IL1RAPL1: variants seen among roughly 807,000 people sequenced by gnomAD.
IL1RAPL1 encodes the protein interleukin 1 receptor accessory protein like 1.
In IL1RAPL1, 3 loss-of-function variants were observed where a neutral mutation model predicts 48.4. The ratio of observed to expected loss-of-function variants is 0.06; its 90% CI spans 0.03 to 0.16. The LOEUF (loss-of-function observed/expected upper bound fraction) is 0.16. IL1RAPL1 is among the 10% of genes least tolerant of loss of function. IL1RAPL1 has a pLI of 1.00. For synonymous variants in IL1RAPL1, 185 were observed against 187.7 expected, an observed-to-expected ratio of 0.99 and a Z score of 0.12; for missense variants, 349 against 530.6, an observed-to-expected ratio of 0.66 and a Z score of 3.36.
intron 2 of IL1RAPL1, among the ~76,000 whole-genome samples, chrX:29,242,335 C>T (rs961464249): frequency 8.9e-6 from 1 of 112,139 alleles, no homozygotes; most frequent in Non-Finnish European, 1.9e-5. Flanking sequence ...ACAGGAGGGG[C>T]GCCCATGCCC....
In IL1RAPL1 at chrX:29,376,473, G is replaced by C. The variant is rs183300998; in HGVS notation, c.363-19785G>C. ...GCAGCCTCAATCTCCCCAGGCTCAGGTGATCCTCACTAGCCACCCAGATAG... is the reference window on the plus strand; with the variant it reads ...GCAGCCTCAATCTCCCCAGGCTCAGCTGATCCTCACTAGCCACCCAGATAG... On this transcript the variant is annotated intron_variant, in intron 3 of 10. Transcript: ENST00000378993. Among the ~76,000 whole-genome samples, 399 of 109,749 alleles carry C rather than the reference G, an allele frequency of 3.6e-3. 2 individuals carry two copies. Among genetic ancestry groups the C allele is most frequent in the Non-Finnish European group, 5.9e-3 (311 of 52,564 alleles).
intron 2 of IL1RAPL1, among the ~76,000 whole-genome samples, chrX:29,158,931 TCCCCCC>T (rs1176557881): frequency 1.8e-5 from 1 of 55,676 alleles, no homozygotes; most frequent in Non-Finnish European, 3.4e-5. Context: ...TCTCTCTCTC[TCCCCCC>T]CCCTCCCTCC....
intron 1 of IL1RAPL1, among the ~76,000 whole-genome samples, chrX:28,779,636 A>ATG (rs1386041800): frequency 0.13 from 4,798 of 37,385 alleles, 283 homozygotes; most frequent in East Asian, 0.18. Context: ...GTGTGTGTGT[A>ATG]TATATATATA....
intron 9 of IL1RAPL1, among the ~76,000 whole-genome samples, chrX:29,947,752 GT>G (rs367605832): frequency 0.022 from 1,164 of 54,080 alleles, 6 homozygotes; most frequent in Non-Finnish European, 0.027. Flanking sequence ...TTTTTTTGGT[GT>G]TTTTTTTTTT....
chrX:28,747,456 C>T (rs915730345), intron 1 of IL1RAPL1, among the ~76,000 whole-genome samples: 1 of 110,664 alleles, frequency 9.0e-6, no homozygotes, highest in African/African-American at 3.3e-5. Flanking sequence ...TACTGGCCAA[C>T]ATGGTAAAAT....
intron 5 of IL1RAPL1, among the ~76,000 whole-genome samples, chrX:29,547,523 T>C (rs1921663110): frequency 9.0e-6 from 1 of 111,729 alleles, no homozygotes; most frequent in East Asian, 2.8e-4. Context: ...TGGAAAAGCT[T>C]AGTTCTACAC....
intron 2 of IL1RAPL1, among the ~76,000 whole-genome samples, chrX:28,989,459 A>T (rs1925549651): frequency 8.9e-6 from 1 of 112,792 alleles, no homozygotes; most frequent in African/African-American, 3.2e-5. Flanking sequence ...GCTGAAGAAT[A>T]TCATACTTTC....
chrX:29,201,146 A>G (rs1217214524), intron 2 of IL1RAPL1, among the ~76,000 whole-genome samples: 8 of 111,567 alleles, frequency 7.2e-5, no homozygotes, highest in South Asian at 3.7e-4. Context: ...ACATTTTCCA[A>G]TGCCTAGAGT....
At chrX:28,859,631 G>T (rs1342110306) in intron 2 of IL1RAPL1, among the ~76,000 whole-genome samples, 3 of 109,511 alleles carry the variant, frequency 2.7e-5, no homozygotes, top group Non-Finnish European at 3.8e-5. Flanking sequence ...TACTTAAGAC[G>T]TTGTAATATA....
intron 2 of IL1RAPL1, among the ~76,000 whole-genome samples, chrX:28,825,792 T>G (rs959398690): frequency 3.6e-5 from 4 of 111,612 alleles, no homozygotes; most frequent in Admixed American, 1.9e-4. Context: ...GTATGCTATT[T>G]TTTTGAATAT....
At chrX:29,596,559 T>C (rs1050091683) in intron 5 of IL1RAPL1, among the ~76,000 whole-genome samples, 1 of 112,007 alleles carries the variant, frequency 8.9e-6, no homozygotes, top group Admixed American at 9.5e-5. Context: ...ATAGCAGAGC[T>C]ACTGATTTGT....
intron 5 of IL1RAPL1, among the ~76,000 whole-genome samples, chrX:29,609,032 G>A (rs1190204177): frequency 9.0e-6 from 1 of 111,438 alleles, no homozygotes; most frequent in Non-Finnish European, 1.9e-5. Flanking sequence ...CAAGTCCAAA[G>A]TATTATTGCT....
intron 2 of IL1RAPL1, among the ~76,000 whole-genome samples, chrX:29,150,612 T>G (rs369772853): frequency 6.4e-5 from 7 of 110,108 alleles, no homozygotes; most frequent in African/African-American, 2.3e-4. Flanking sequence ...GATGGGTGTT[T>G]CCATCTTGAT....
intron 6 of IL1RAPL1, among the ~76,000 whole-genome samples, chrX:29,685,134 G>A (rs769838275): frequency 8.9e-6 from 1 of 112,456 alleles, no homozygotes; most frequent in South Asian, 3.7e-4. Flanking sequence ...TCTTAACTGA[G>A]AAGTTAAATT....
intron 2 of IL1RAPL1, among the ~76,000 whole-genome samples, chrX:28,830,761 C>T (rs890661403): frequency 9.1e-6 from 1 of 110,173 alleles, no homozygotes; most frequent in Non-Finnish European, 1.9e-5. Flanking sequence ...CACTTTAGAT[C>T]ATATAACATG....
intron 5 of IL1RAPL1, among the ~76,000 whole-genome samples, chrX:29,402,918 A>C (rs1934012570): frequency 8.9e-6 from 1 of 111,929 alleles, no homozygotes; most frequent in African/African-American, 3.2e-5. Flanking sequence ...ACACAGAGGT[A>C]AAATCACAAC....
intron 6 of IL1RAPL1, among the ~76,000 whole-genome samples, chrX:29,810,733 A>G (rs1930364155): frequency 9.0e-6 from 1 of 111,275 alleles, no homozygotes; most frequent in Admixed American, 9.6e-5. Flanking sequence ...TGTGGACCAT[A>G]TCTTTAGATC....
At chrX:29,424,564 A>G (rs1725258794) in intron 5 of IL1RAPL1, among the ~76,000 whole-genome samples, 1 of 111,719 alleles carries the variant, frequency 9.0e-6, no homozygotes, top group Admixed American at 9.6e-5. Context: ...AACAGTTCAT[A>G]ATTATCTATG....
chrX:29,914,222 T>G (rs1932780718), intron 6 of IL1RAPL1, among the ~76,000 whole-genome samples: 1 of 111,922 alleles, frequency 8.9e-6, no homozygotes. Flanking sequence ...GGAGCCATTT[T>G]TTAGGTGTGG....
Sources: gnomAD v4.1 joint callset for allele counts (sites outside exome capture counted in the v4.1 genomes callset) on GRCh38, gnomAD v4.1.1 for gene constraint, MANE v1.5 for transcripts, NCBI Gene and HGNC (gene_info 2026-07-23, HGNC 2026-07-21) for gene names.